The following CHCHD3 variants were observed in gnomAD, a reference collection of about 807,000 sequenced individuals.
The protein encoded by CHCHD3 is coiled-coil-helix-coiled-coil-helix domain containing 3.
A neutral mutation model predicts 38.2 loss-of-function variants in CHCHD3; 20 were observed. That is an observed-to-expected ratio of 0.52 (90% CI 0.37 to 0.76). The LOEUF is 0.76. CHCHD3 is among the 30% of genes least tolerant of loss of function. The pLI is 0.00. For missense variants in CHCHD3, 245 were observed against 279.2 expected (o/e 0.88, Z 0.87); for synonymous variants, 82 against 100.0 (o/e 0.82, Z 1.07).
At position 133,065,192 on chromosome 7, in the gene CHCHD3, G is replaced by A. The variant is rs1017414534; in HGVS notation, c.169+4950C>T. The stretch of plus-strand genomic sequence containing the variant: ...AGCAAGGACACAGTTAAGTTATTGA[G>A]AGCACATTCATTTATTAAAGTGGCA... On this transcript the variant is annotated intron_variant, in intron 2 of 7. Coordinates refer to ENST00000262570, the MANE Select transcript of CHCHD3 (RefSeq NM_017812.4). Among the ~76,000 whole-genome samples, 3 of 152,122 alleles carry A rather than the reference G, an allele frequency of 2.0e-5. No individual in the cohort carries two copies. In the East Asian group the frequency reaches 5.8e-4, roughly 29 times the overall value.
intron 4 of CHCHD3, among the ~76,000 whole-genome samples, chr7:132,897,332 A>G (rs1181098409): frequency 6.6e-6 from 1 of 152,202 alleles, no homozygotes; most frequent in Non-Finnish European, 1.5e-5. Flanking sequence ...TTACCGCACA[A>G]CTTCTGAATT....
intron 6 of CHCHD3, among the ~76,000 whole-genome samples, chr7:132,829,066 G>T (rs1052029101): frequency 2.6e-5 from 4 of 152,108 alleles, no homozygotes; most frequent in Non-Finnish European, 4.4e-5. Flanking sequence ...CACTCAAAAC[G>T]CAAAATATGT....
Position 132,788,002 on chromosome 7 carries a change from C to T in CHCHD3, c.661-2342G>A, listed in dbSNP as rs938062230. 3.3e-5 allele frequency among the ~76,000 whole-genome samples: 5 copies of T among 152,142 alleles called. No homozygotes were observed. Among genetic ancestry groups the T allele is most frequent in the Admixed American group, 1.3e-4 (2 of 15,278 alleles). On this transcript the variant is annotated intron_variant, in intron 7 of 7. Transcript: ENST00000262570. The surrounding 1 kb of genome is among the most constrained non-coding windows in gnomAD (Gnocchi z 4.0). Reference sequence around the variant, plus strand: ...GAATGTGAGGCACCAGCCCCATGTTCGCTGGGAAAATAACACGCTGAGCAC... The same window carrying T: ...GAATGTGAGGCACCAGCCCCATGTTTGCTGGGAAAATAACACGCTGAGCAC...
chr7:132,889,071 G>A (rs531205103), intron 4 of CHCHD3, among the ~76,000 whole-genome samples: 67 of 152,108 alleles, frequency 4.4e-4, no homozygotes, highest in African/African-American at 1.6e-3. Context: ...TATTCCATAT[G>A]TTTACACTTG....
At chr7:132,920,562 TTTTA>T (rs1211496757) in intron 4 of CHCHD3, among the ~76,000 whole-genome samples, 28 of 152,170 alleles carry the variant, frequency 1.8e-4, no homozygotes, top group Admixed American at 5.9e-4. Flanking sequence ...TCTCAACTTG[TTTTA>T]TTTATTGTTG....
At chr7:132,895,483 A>G (rs1809470826) in intron 4 of CHCHD3, among the ~76,000 whole-genome samples, 1 of 152,242 alleles carries the variant, frequency 6.6e-6, no homozygotes, top group African/African-American at 2.4e-5. Flanking sequence ...GGAAAACCAC[A>G]GGTTTAAGAG....
intron 4 of CHCHD3, among the ~76,000 whole-genome samples, chr7:132,966,885 G>A (rs1487094181): frequency 1.3e-5 from 2 of 152,186 alleles, no homozygotes; most frequent in East Asian, 1.9e-4. Context: ...TCTTTAGTAG[G>A]AAATGAGATT....
chr7:133,003,334 G>C (rs961961864), intron 3 of CHCHD3, among the ~76,000 whole-genome samples: 1 of 152,202 alleles, frequency 6.6e-6, no homozygotes, highest in Non-Finnish European at 1.5e-5. Flanking sequence ...ATTGAGGCCT[G>C]TGTGCTGTAA....
At chr7:132,871,085 T>G (rs1392325806) in intron 5 of CHCHD3, among the ~76,000 whole-genome samples, 2 of 152,224 alleles carry the variant, frequency 1.3e-5, no homozygotes, top group African/African-American at 4.8e-5. Flanking sequence ...ATAATTACAG[T>G]GTCCATTTGG....
At chr7:132,995,711 A>T (rs985423712) in intron 3 of CHCHD3, among the ~76,000 whole-genome samples, 1 of 152,184 alleles carries the variant, frequency 6.6e-6, no homozygotes, top group South Asian at 2.1e-4. Context: ...AATAACATAC[A>T]ATTCCAACTC....
At chr7:132,930,256 T>A (rs1810484188) in intron 4 of CHCHD3, among the ~76,000 whole-genome samples, 1 of 146,216 alleles carries the variant, frequency 6.8e-6, no homozygotes, top group Non-Finnish European at 1.5e-5. Flanking sequence ...AACCTCCACC[T>A]CCCTGGTTCA....
intron 4 of CHCHD3, among the ~76,000 whole-genome samples, chr7:132,917,361 T>C (rs914527667): frequency 9.2e-5 from 14 of 152,212 alleles, no homozygotes; most frequent in Non-Finnish European, 1.3e-4. Context: ...CTCTATATCA[T>C]ACTTCTGCAC....
chr7:132,921,352 G>A lies in CHCHD3; in HGVS notation c.370-35607C>T, dbSNP rs548039602. ...TACTTACACCACTACTTTCCTCCAG[G>A]CTCTGAAATTTCATTTAGGAAATGT... On this transcript the variant is annotated intron_variant, in intron 4 of 7. Transcript: ENST00000262570. Among the ~76,000 whole-genome samples, 249 of 152,038 alleles carry A rather than the reference G, an allele frequency of 1.6e-3. 1 individual carries two copies. The highest frequency in any genetic ancestry group is 5.7e-3 in the African/African-American group (235 of 41,442).
At chr7:132,832,100 G>A (rs1807665615) in intron 6 of CHCHD3, among the ~76,000 whole-genome samples, 1 of 152,062 alleles carries the variant, frequency 6.6e-6, no homozygotes, top group Admixed American at 6.6e-5. Context: ...TAAAGTCAAA[G>A]GGTTTTACAT....
chr7:132,955,657 C>G (rs1008715987), intron 4 of CHCHD3, among the ~76,000 whole-genome samples: 2 of 151,596 alleles, frequency 1.3e-5, no homozygotes, highest in African/African-American at 4.9e-5. Flanking sequence ...CTTGTTAAGA[C>G]GGCAGAGCAG....
At chr7:132,960,329 G>A (rs75468200) in intron 4 of CHCHD3, among the ~76,000 whole-genome samples, 9,980 of 152,198 alleles carry the variant, frequency 0.066, 827 homozygotes, top group African/African-American at 0.2. Context: ...CATATGTACA[G>A]TTAGAGATGG....
intron 3 of CHCHD3, among the ~76,000 whole-genome samples, chr7:132,999,131 A>G (rs911057280): frequency 6.6e-6 from 1 of 152,128 alleles, no homozygotes; most frequent in Admixed American, 6.6e-5. Context: ...AACAAACAAC[A>G]CTATTCAAAG....
chr7:132,904,914 A>G (rs1413893491), intron 4 of CHCHD3, among the ~76,000 whole-genome samples: 1 of 152,232 alleles, frequency 6.6e-6, no homozygotes, highest in Non-Finnish European at 1.5e-5. Context: ...TGCAGCCATA[A>G]GAAAGGACGA....
chr7:132,867,051 A>G (rs1342908462), intron 5 of CHCHD3, among the ~76,000 whole-genome samples: 1 of 152,042 alleles, frequency 6.6e-6, no homozygotes, highest in African/African-American at 2.4e-5. Flanking sequence ...TTATTGAGTC[A>G]TTTTTCTTCA....
Sources: allele counts gnomAD v4.1 joint callset (sites outside exome capture counted in the v4.1 genomes callset), GRCh38; gene constraint gnomAD v4.1.1; non-coding constraint Gnocchi (gnomAD v3.1); transcripts MANE v1.5; gene names NCBI Gene and HGNC (gene_info 2026-07-23, HGNC 2026-07-21).